Variants in METTL15 observed in about 807,000 individuals in gnomAD.
The protein encoded by METTL15 is methyltransferase 15, mitochondrial 12S rRNA N4-cytidine, also known as 12S rRNA N(4)-cytidine methyltransferase METTL15.
Under a neutral mutation model 38.3 loss-of-function variants are expected in METTL15, and 34 were observed. The ratio of observed to expected loss-of-function variants is 0.89; its 90% CI spans 0.68 to 1.18. The LOEUF (loss-of-function observed/expected upper bound fraction) is 1.18, where lower values mean the gene tolerates loss of function less well. Ranked by LOEUF, METTL15 falls within the 50% of genes most tolerant of loss-of-function variation. The pLI, the probability that METTL15 is intolerant of heterozygous loss-of-function variation, is 0.00. For synonymous variants in METTL15, 162 were observed against 170.9 expected (o/e 0.95, Z 0.41); for missense variants, 438 against 498.4 (o/e 0.88, Z 1.15).
Position 28,331,882 on chromosome 11 carries a change from ATGGAG to A in METTL15, c.*1043_*1047del, listed in dbSNP as rs1849826306. The A allele has an allele frequency of 2.6e-5, 4 of 152,278 alleles. No individual in the cohort carries two copies. The highest frequency in any genetic ancestry group is 5.9e-5 in the Non-Finnish European group (4 of 67,990). The allele number at this position is 152,278 out of a possible 1,614,324, so 9.4% of individuals were successfully genotyped here. ...TTGGAGATAATTAGTCAAAGGGCACATGGAGTATGGAAGGGGGCATGTTGATTAAC... is the reference window on the plus strand; with the variant it reads ...TTGGAGATAATTAGTCAAAGGGCACATATGGAAGGGGGCATGTTGATTAAC... On this transcript the variant is annotated 3_prime_UTR_variant, in exon 7 of 7. Coordinates refer to ENST00000407364, the MANE Select transcript of METTL15 (RefSeq NM_001113528.2).
chr11:28,272,408 G>A (rs1349322235), intron 4 of METTL15, among the ~76,000 whole-genome samples: 1 of 152,150 alleles, frequency 6.6e-6, no homozygotes, highest in Non-Finnish European at 1.5e-5. Flanking sequence ...ACGAGTTCAT[G>A]TCCTTTGCAG....
At chr11:28,452,674 A>G (rs577100374) in intron 6 of METTL15, among the ~76,000 whole-genome samples, 2 of 152,262 alleles carry the variant, frequency 1.3e-5, no homozygotes, top group East Asian at 1.9e-4. Context: ...CAGAGATTCA[A>G]TTTTGTCCCT....
At chr11:28,400,311 G>T (rs1850618753) in intron 5 of METTL15, among the ~76,000 whole-genome samples, 2 of 151,740 alleles carry the variant, frequency 1.3e-5, no homozygotes, top group South Asian at 2.1e-4. Context: ...TTCGCTTTAA[G>T]CTTACACATT....
At chr11:28,424,752 G>A (rs1342071742) in intron 6 of METTL15, among the ~76,000 whole-genome samples, 1 of 152,142 alleles carries the variant, frequency 6.6e-6, no homozygotes, top group Non-Finnish European at 1.5e-5. Context: ...ACCAAGAGAT[G>A]TGGAAGGTAT....
At chr11:28,179,044 G>A (rs1255796493) in intron 3 of METTL15, among the ~76,000 whole-genome samples, 1 of 151,680 alleles carries the variant, frequency 6.6e-6, no homozygotes, top group East Asian at 1.9e-4. Flanking sequence ...CCCAATTTAT[G>A]ATAAAAGAAA....
At chr11:28,177,502 G>C (rs2133775625) in intron 3 of METTL15, among the ~76,000 whole-genome samples, 1 of 152,040 alleles carries the variant, frequency 6.6e-6, no homozygotes, top group South Asian at 2.1e-4. Flanking sequence ...GTAAAAAGCT[G>C]TATTTAATAT....
intron 4 of METTL15, among the ~76,000 whole-genome samples, chr11:28,261,743 A>G (rs192673630): frequency 6.6e-6 from 1 of 152,288 alleles, no homozygotes; most frequent in East Asian, 1.9e-4. Flanking sequence ...ATAGTTGGCT[A>G]TTATAATTAC....
chr11:28,492,592 G>A (rs1278690082), intron 6 of METTL15, among the ~76,000 whole-genome samples: 1 of 151,948 alleles, frequency 6.6e-6, no homozygotes, highest in African/African-American at 2.4e-5. Flanking sequence ...ATTGTCATGA[G>A]CAATTCGTGA....
intron 3 of METTL15, among the ~76,000 whole-genome samples, chr11:28,142,071 T>A (rs1255902239): frequency 1.3e-5 from 2 of 152,236 alleles, no homozygotes; most frequent in East Asian, 3.9e-4. Flanking sequence ...AGTTTTACTG[T>A]TATGGGAAAA....
intron 6 of METTL15, among the ~76,000 whole-genome samples, chr11:28,473,942 C>T (rs888355639): frequency 1.3e-5 from 2 of 151,878 alleles, no homozygotes; most frequent in Non-Finnish European, 2.9e-5. Flanking sequence ...TCCCCATTCC[C>T]ATACCCCAGG....
chr11:28,512,517 C>T (rs11030358), intron 6 of METTL15, among the ~76,000 whole-genome samples: 66,341 of 152,054 alleles, frequency 0.44, 15,226 homozygotes, highest in Admixed American at 0.54. Flanking sequence ...TCAATCTCAG[C>T]GCCGGTGAGC....
intron 3 of METTL15, among the ~76,000 whole-genome samples, chr11:28,199,400 C>A (rs1271027695): frequency 6.6e-6 from 1 of 152,070 alleles, no homozygotes; most frequent in Non-Finnish European, 1.5e-5. Flanking sequence ...CTTCACTGTT[C>A]CAAGTTTACT....
intron 6 of METTL15, among the ~76,000 whole-genome samples, chr11:28,510,781 T>C (rs903861766): frequency 6.6e-6 from 1 of 152,192 alleles, no homozygotes; most frequent in Non-Finnish European, 1.5e-5. Context: ...ACTCTAAACA[T>C]ACCATACTAC....
rs142715880 is a variant in METTL15, at chr11:28,157,705, C to G, written c.270+44101C>G. Among the ~76,000 whole-genome samples, 267 of 152,194 alleles carry G rather than the reference C, an allele frequency of 1.8e-3. 1 individual carries two copies. The highest frequency in any genetic ancestry group is 6.8e-3 in the Middle Eastern group (2 of 294). On this transcript the variant is annotated intron_variant, in intron 3 of 6. Transcript: ENST00000407364. ...CAAATGGAAGTGGTATCTACGTGAT[C>G]GGGCTCGAGCAGGTCCTGAAGGCAC...
chr11:28,175,223 T>C (rs1851021210), intron 3 of METTL15, among the ~76,000 whole-genome samples: 1 of 152,118 alleles, frequency 6.6e-6, no homozygotes, highest in Non-Finnish European at 1.5e-5. Context: ...TTGCGATAGT[T>C]TGCTGAGAAT....
chr11:28,213,672 T>C (rs1256944063), intron 4 of METTL15, among the ~76,000 whole-genome samples: 1 of 150,418 alleles, frequency 6.6e-6, no homozygotes, highest in Non-Finnish European at 1.5e-5. Flanking sequence ...TTTTTTTTTT[T>C]TGAGACGGAG....
intron 5 of METTL15, among the ~76,000 whole-genome samples, chr11:28,409,496 A>G (rs1441018303): frequency 5.9e-5 from 9 of 151,996 alleles, no homozygotes; most frequent in Admixed American, 5.2e-4. Context: ...ATTCACAAAT[A>G]TGTGGAAATT....
At chr11:28,174,363 AACCAAGGTTTATCTAAT>A (rs1338573364) in intron 3 of METTL15, among the ~76,000 whole-genome samples, 1 of 152,188 alleles carries the variant, frequency 6.6e-6, no homozygotes, top group Non-Finnish European at 1.5e-5. Flanking sequence ...ATTTTATTAT[AACCAAGGTTTATCTAAT>A]ACCGCATTGT....
intron 6 of METTL15, among the ~76,000 whole-genome samples, chr11:28,508,817 CA>C (rs905490324): frequency 3.3e-5 from 5 of 150,464 alleles, no homozygotes; most frequent in African/African-American, 1.2e-4. Flanking sequence ...TATTTCTTGC[CA>C]AAAAAAAATT....
Sources: gnomAD v4.1 joint callset for allele counts (sites outside exome capture counted in the v4.1 genomes callset) on GRCh38, gnomAD v4.1.1 for gene constraint, MANE v1.5 for transcripts, NCBI Gene and HGNC (gene_info 2026-07-23, HGNC 2026-07-21) for gene names.